SIL1: variants seen among roughly 807,000 people sequenced by gnomAD.
The protein encoded by SIL1 is nucleotide exchange factor SIL1.
SIL1 carries 40 observed loss-of-function variants against 49.1 expected under a neutral mutation model. That is an observed-to-expected ratio of 0.81 (90% CI 0.63 to 1.06). The LOEUF (loss-of-function observed/expected upper bound fraction) is 1.06. Ranked by LOEUF, SIL1 falls within the 50% of genes least tolerant of loss-of-function variation. SIL1 has a pLI of 0.00. For missense variants in SIL1, 500 were observed against 572.6 expected (o/e 0.87, Z 1.29); for synonymous variants, 253 against 250.8 (o/e 1.01, Z -0.08).
chr5:139,080,888 T>C (rs576491452), intron 3 of SIL1, among the ~76,000 whole-genome samples: 1 of 152,374 alleles, frequency 6.6e-6, no homozygotes, highest in South Asian at 2.1e-4. Context: ...AAGTTGGTTA[T>C]GATATTTGTT....
chr5:139,105,947 T>A (rs572233645), intron 3 of SIL1, among the ~76,000 whole-genome samples: 47 of 152,296 alleles, frequency 3.1e-4, no homozygotes, highest in African/African-American at 1.0e-3. Flanking sequence ...AAGAGACAGA[T>A]GATCTCTGCA....
chr5:138,978,958 C>G (rs1321240825), intron 7 of SIL1, among the ~76,000 whole-genome samples: 1 of 152,100 alleles, frequency 6.6e-6, no homozygotes, highest in Non-Finnish European at 1.5e-5. Flanking sequence ...GATAAAAAGT[C>G]CCTTACCAGA....
At chr5:139,085,461 G>A (rs141115314) in intron 3 of SIL1, among the ~76,000 whole-genome samples, 26 of 152,310 alleles carry the variant, frequency 1.7e-4, no homozygotes, top group East Asian at 3.9e-4. Flanking sequence ...TACACCTGGC[G>A]TTGGGAAAAC....
chr5:139,010,722 G>A (rs1333865018), intron 7 of SIL1, among the ~76,000 whole-genome samples: 3 of 151,698 alleles, frequency 2.0e-5, no homozygotes, highest in Non-Finnish European at 2.9e-5. Context: ...ATACCCTGCC[G>A]TGTGATGTGT....
chr5:139,150,238 G>A (rs1251320571), intron 1 of SIL1, among the ~76,000 whole-genome samples: 2 of 152,122 alleles, frequency 1.3e-5, no homozygotes, highest in Admixed American at 1.3e-4. Flanking sequence ...TCTCTTCTGG[G>A]TGATATGCCT....
chr5:139,022,955 T>C (rs1227891589), intron 6 of SIL1, among the ~76,000 whole-genome samples: 2 of 152,180 alleles, frequency 1.3e-5, no homozygotes, highest in Admixed American at 6.5e-5. Context: ...AATCCTGTCA[T>C]ACCACGCCTG....
intron 1 of SIL1, 43 bp downstream of exon 1, chr5:139,198,226 C>T (rs931500402): frequency 6.6e-6 from 1 of 152,354 alleles, no homozygotes; most frequent in African/African-American, 2.4e-5. Context: ...CGCCCTGAGC[C>T]CCCCGCCCAG....
intron 3 of SIL1, among the ~76,000 whole-genome samples, chr5:139,111,834 C>CA (rs1770845349): frequency 6.6e-6 from 1 of 152,134 alleles, no homozygotes; most frequent in African/African-American, 2.4e-5. Context: ...CACCTCTCCC[C>CA]TCTCCCCACT....
At chr5:139,101,383 T>G (rs959545926) in intron 3 of SIL1, among the ~76,000 whole-genome samples, 1 of 152,194 alleles carries the variant, frequency 6.6e-6, no homozygotes, top group Non-Finnish European at 1.5e-5. Context: ...ACCTAATTAC[T>G]CTCATAGTGA....
chr5:139,052,507 A>C (rs529887385), intron 3 of SIL1, among the ~76,000 whole-genome samples: 1 of 152,164 alleles, frequency 6.6e-6, no homozygotes, highest in Non-Finnish European at 1.5e-5. Context: ...CAAATGGTGA[A>C]ACCCCATCTC....
chr5:139,130,016 C>A (rs1476570835), intron 1 of SIL1, among the ~76,000 whole-genome samples: 1 of 152,088 alleles, frequency 6.6e-6, no homozygotes, highest in Non-Finnish European at 1.5e-5. Context: ...ATTCCTAAAT[C>A]TCAACAATAA....
intron 3 of SIL1, among the ~76,000 whole-genome samples, chr5:139,061,263 T>C (rs929686572): frequency 6.6e-6 from 1 of 152,224 alleles, no homozygotes; most frequent in Non-Finnish European, 1.5e-5. Context: ...GGAGCCTGGC[T>C]GCCCTGCTTC....
At chr5:139,032,839 T>C (rs1768821507) in intron 5 of SIL1, 1 of 152,242 alleles carries the variant, frequency 6.6e-6, no homozygotes, top group East Asian at 1.9e-4. Context: ...CAAATTTATA[T>C]GCATAGAGTT....
chr5:139,036,745 C>T (rs114038028), intron 5 of SIL1, among the ~76,000 whole-genome samples: 1,917 of 152,170 alleles, frequency 0.013, 35 homozygotes, highest in African/African-American at 0.043. Context: ...CTGTTGGGTA[C>T]TTGGGCTTAA....
At chr5:139,098,026 A>C (rs1025383995) in intron 3 of SIL1, among the ~76,000 whole-genome samples, 2 of 152,184 alleles carry the variant, frequency 1.3e-5, no homozygotes, top group Non-Finnish European at 2.9e-5. Flanking sequence ...TACCCAAAGC[A>C]ATCTACAGAT....
intron 1 of SIL1, among the ~76,000 whole-genome samples, chr5:139,164,315 A>T (rs1024907044): frequency 7.9e-5 from 12 of 151,988 alleles, no homozygotes; most frequent in Non-Finnish European, 1.5e-4. Flanking sequence ...TTCCCTCACA[A>T]GAGGGAAGAG....
Position 139,188,349 on chromosome 5 carries a change from A to G in SIL1, c.-11+9920T>C, listed in dbSNP as rs563282084. On this transcript the variant is annotated intron_variant, in intron 1 of 9. Transcript: ENST00000394817. Reference sequence around the variant, plus strand: ...CTGCAGAGGCTCGCTAAAAAGAAAAAGACAATGGCATTTTCTTGAATGTAC... The same window carrying G: ...CTGCAGAGGCTCGCTAAAAAGAAAAGGACAATGGCATTTTCTTGAATGTAC... Among the ~76,000 whole-genome samples, 11 of 152,334 alleles carry G rather than the reference A, an allele frequency of 7.2e-5. 1 individual carries two copies. In the South Asian group the frequency reaches 2.3e-3, roughly 32 times the overall value.
chr5:139,127,047 G>A (rs1750768498), intron 2 of SIL1, among the ~76,000 whole-genome samples: 1 of 152,230 alleles, frequency 6.6e-6, no homozygotes, highest in African/African-American at 2.4e-5. Context: ...GAACCGTAGT[G>A]TGCTGCAGCC....
intron 1 of SIL1, among the ~76,000 whole-genome samples, chr5:139,181,781 A>G (rs1269677404): frequency 1.3e-5 from 2 of 152,140 alleles, no homozygotes; most frequent in Non-Finnish European, 2.9e-5. Flanking sequence ...TACCTTTCAC[A>G]CTGTTGATGA....
Sources: allele counts gnomAD v4.1 joint callset (sites outside exome capture counted in the v4.1 genomes callset), GRCh38; gene constraint gnomAD v4.1.1; transcripts MANE v1.5; gene names NCBI Gene and HGNC (gene_info 2026-07-23, HGNC 2026-07-21).